The following IGF2BP3 variants were observed in gnomAD, a reference collection of about 807,000 sequenced individuals.
IGF2BP3 encodes the protein insulin-like growth factor 2 mRNA-binding protein 3.
A neutral mutation model predicts 73.8 loss-of-function variants in IGF2BP3; 9 were observed. The ratio of observed to expected loss-of-function variants is 0.12; its 90% CI spans 0.07 to 0.21. The LOEUF is 0.21. IGF2BP3 is among the 10% of genes least tolerant of loss of function. IGF2BP3 has a pLI of 1.00. For synonymous variants in IGF2BP3, 258 were observed against 256.7 expected, an observed-to-expected ratio of 1.01 and a Z score of -0.05; for missense variants, 542 against 714.0, an observed-to-expected ratio of 0.76 and a Z score of 2.75.
At chr7:23,401,485 C>T (rs2128525891) in intron 3 of IGF2BP3, among the ~76,000 whole-genome samples, 1 of 152,322 alleles carries the variant, frequency 6.6e-6, no homozygotes, top group East Asian at 1.9e-4. Flanking sequence ...CACTGCTATG[C>T]CAGGCACGGT....
intron 8 of IGF2BP3, among the ~76,000 whole-genome samples, chr7:23,345,376 G>A (rs1199198069): frequency 6.6e-6 from 1 of 152,182 alleles, no homozygotes; most frequent in Admixed American, 6.5e-5. Context: ...AACTTCTGAG[G>A]CTATGTCATA....
chr7:23,427,704 T>G (rs567464562), intron 2 of IGF2BP3, among the ~76,000 whole-genome samples: 47 of 152,110 alleles, frequency 3.1e-4, no homozygotes, highest in African/African-American at 1.1e-3. Flanking sequence ...AAACCCCATC[T>G]CTACTAAAAA....
At chr7:23,317,912 G>T (rs749526313) in intron 11 of IGF2BP3, 199 bp from the exon 12 acceptor site, 8 of 581,326 alleles carry the variant, frequency 1.4e-5, no homozygotes, top group African/African-American at 3.7e-5. Flanking sequence ...CTTATTCTGT[G>T]CCGGGCCCTA....
chr7:23,355,180 C>T (rs1236714844), intron 5 of IGF2BP3, among the ~76,000 whole-genome samples: 1 of 151,688 alleles, frequency 6.6e-6, no homozygotes, highest in Non-Finnish European at 1.5e-5. Flanking sequence ...GATGTTTATC[C>T]AACATGTATA....
At chr7:23,380,017 G>C (rs1785856583) in intron 3 of IGF2BP3, among the ~76,000 whole-genome samples, 1 of 152,034 alleles carries the variant, frequency 6.6e-6, no homozygotes, top group Admixed American at 6.6e-5. Context: ...TTCTAAGATG[G>C]GTTGGGAAAG....
rs1784729414 is a variant in IGF2BP3 at position 23,342,189 on chromosome 7, G to C, written c.1078C>G (p.Leu360Val). The change falls in exon 10 of 15, where the codon CTT becomes GTT. Residue 360 changes from leucine (L) to valine (V), a missense_variant and splice_region_variant. By Grantham distance (32) the Leu-to-Val change is conservative. Coordinates refer to ENST00000258729, the MANE Select transcript of IGF2BP3 (RefSeq NM_006547.3). ...SYENDIASMN[L>V]QAHLIPGLNL... ...AATCCAGGAATTAAATGTGCTTGAAGCTGCAACAGTAAAAAGGCCCCTTAA... is the reference window on the plus strand; with the variant it reads ...AATCCAGGAATTAAATGTGCTTGAACCTGCAACAGTAAAAAGGCCCCTTAA... 2 of 1,613,482 alleles carry C rather than the reference G, an allele frequency of 1.2e-6. No individual in the cohort carries two copies. Among genetic ancestry groups the C allele is most frequent in the Non-Finnish European group, 1.7e-6 (2 of 1,179,694 alleles).
At chr7:23,312,570 A>G in intron 14 of IGF2BP3, 110 bp from the exon 15 acceptor site, 2 of 943,638 alleles carry the variant, frequency 2.1e-6, no homozygotes, top group South Asian at 1.3e-5. Flanking sequence ...GATTAAAGAT[A>G]CATACTAGTC....
chr7:23,435,168 G>A (rs1229015298), intron 2 of IGF2BP3, among the ~76,000 whole-genome samples: 2 of 151,260 alleles, frequency 1.3e-5, no homozygotes, highest in Admixed American at 6.6e-5. Flanking sequence ...TGGCGGGTAC[G>A]TGTAGTCCCA....
chr7:23,329,026 C>T lies in IGF2BP3; in HGVS notation c.1204-9772G>A, dbSNP rs565921717. Among the ~76,000 whole-genome samples the T allele has an allele frequency of 1.1e-4, 16 of 151,974 alleles. No homozygotes were observed. In the South Asian group the frequency reaches 1.7e-3, roughly 16 times the overall value. On this transcript the variant is annotated intron_variant, in intron 10 of 14. Coordinates refer to ENST00000258729, the MANE Select transcript of IGF2BP3 (RefSeq NM_006547.3). The stretch of plus-strand genomic sequence containing the variant: ...AGATCGAGACCATCCTGGCTAACAC[C>T]GTGAAACCCCGTCTCTGCTAAAAAA...
rs561259169 is a variant in IGF2BP3 at position 23,357,724 on chromosome 7, G to A, written c.401+3810C>T. On this transcript the variant is annotated intron_variant, in intron 5 of 14. Coordinates refer to ENST00000258729, the MANE Select transcript of IGF2BP3 (RefSeq NM_006547.3). ...TCAAATTTTTATTTTAATAATTCAA[G>A]ACTTAAGCCTAAAATGAACACATGT... 1.3e-5 allele frequency among the ~76,000 whole-genome samples: 2 copies of A among 152,266 alleles called. 1 individual carries two copies. The highest frequency in any genetic ancestry group is 3.9e-4 in the East Asian group (2 of 5,192).
chr7:23,392,820 G>T (rs997635649), intron 3 of IGF2BP3, among the ~76,000 whole-genome samples: 10 of 151,962 alleles, frequency 6.6e-5, no homozygotes, highest in African/African-American at 2.4e-4. Context: ...TTTAAGAGAT[G>T]GGGTTTTATC....
intron 2 of IGF2BP3, among the ~76,000 whole-genome samples, chr7:23,466,106 G>T (rs949009677): frequency 2.0e-5 from 3 of 150,954 alleles, no homozygotes; most frequent in African/African-American, 7.3e-5. Context: ...GCAACCTCCA[G>T]CTCCCCAGTT....
chr7:23,435,844 A>G (rs188701908), intron 2 of IGF2BP3, among the ~76,000 whole-genome samples: 157 of 152,094 alleles, frequency 1.0e-3, no homozygotes, highest in African/African-American at 3.6e-3. Flanking sequence ...TGCAACCTCC[A>G]CTTCCCAGGT....
At chr7:23,422,083 T>C (rs1472834849) in intron 2 of IGF2BP3, among the ~76,000 whole-genome samples, 4 of 152,148 alleles carry the variant, frequency 2.6e-5, no homozygotes, top group African/African-American at 7.2e-5. Flanking sequence ...CCTGGCCCTA[T>C]TCTGTTTTAA....
intron 11 of IGF2BP3, 72 bp from the exon 12 acceptor site, chr7:23,317,785 A>C (rs1004616892): frequency 2.0e-5 from 24 of 1,198,098 alleles, no homozygotes; most frequent in Middle Eastern, 1.9e-4. Context: ...CAACCAGCCT[A>C]ACATTTGCAT....
intron 10 of IGF2BP3, among the ~76,000 whole-genome samples, chr7:23,330,229 T>C (rs1294296165): frequency 6.6e-6 from 1 of 151,760 alleles, no homozygotes; most frequent in Non-Finnish European, 1.5e-5. Flanking sequence ...GAGGCTACAG[T>C]GAGCAGAGAT....
chr7:23,407,091 A>C (rs1233279373), intron 3 of IGF2BP3, among the ~76,000 whole-genome samples: 1 of 152,070 alleles, frequency 6.6e-6, no homozygotes, highest in Non-Finnish European at 1.5e-5. Flanking sequence ...AGAATTAAAA[A>C]GTGGAGATAT....
chr7:23,346,169 GCACT>G, intron 7 of IGF2BP3, 107 bp from the exon 8 acceptor site: 1 of 1,291,078 alleles, frequency 7.7e-7, no homozygotes, highest in Non-Finnish European at 1.1e-6. Flanking sequence ...CATCTGGGAA[GCACT>G]GTGTTAGGTA....
At position 23,312,227 on chromosome 7, in the gene IGF2BP3, C is replaced by CT. The variant is rs1783851367; in HGVS notation, c.*134dup. 1 of 681,352 alleles carries CT rather than the reference C, an allele frequency of 1.5e-6. No homozygotes were observed. Among genetic ancestry groups the CT allele is most frequent in the East Asian group, 2.5e-5 (1 of 40,032 alleles). 42.2% of individuals were successfully genotyped at this position (681,352 alleles called of 1,614,324 possible). ...ACAGAGACAGGAGTTCAAAAGTTGC[C>CT]TGGTCCTCAGAAACAACTGGCTAGG... On this transcript the variant is annotated 3_prime_UTR_variant, in exon 15 of 15. Coordinates refer to ENST00000258729, the MANE Select transcript of IGF2BP3 (RefSeq NM_006547.3).
Sources: gnomAD v4.1 joint callset for allele counts (sites outside exome capture counted in the v4.1 genomes callset) on GRCh38, gnomAD v4.1.1 for gene constraint, MANE v1.5 for transcripts, NCBI Gene and HGNC (gene_info 2026-07-23, HGNC 2026-07-21) for gene names.